TMTC4: variants seen among roughly 807,000 people sequenced by gnomAD.
The protein encoded by TMTC4 is transmembrane O-mannosyltransferase targeting cadherins 4.
In TMTC4, 65 loss-of-function variants were observed where a neutral mutation model predicts 86.0. The observed-to-expected ratio is 0.76, with a 90% CI of 0.62 to 0.93. TMTC4 has a LOEUF of 0.93. TMTC4 is among the 40% of genes least tolerant of loss of function. The pLI, the probability that TMTC4 is intolerant of heterozygous loss-of-function variation, is 0.00. For missense variants in TMTC4, 866 were observed against 948.1 expected (o/e 0.91, Z 1.14); for synonymous variants, 379 against 382.5 (o/e 0.99, Z 0.11).
At chr13:100,658,467 A>G (rs1885376578) in intron 5 of TMTC4, among the ~76,000 whole-genome samples, 1 of 152,120 alleles carries the variant, frequency 6.6e-6, no homozygotes, top group Non-Finnish European at 1.5e-5. Flanking sequence ...TTTAGAGAAG[A>G]GAAAGCAATA....
In TMTC4 at chr13:100,606,300, AC is replaced by A. The variant is rs1222747443; in HGVS notation, c.2134+57del. 1.3e-5 allele frequency: 19 copies of A among 1,413,088 alleles called. No homozygotes were observed. In the African/African-American group the frequency reaches 2.7e-4, roughly 20 times the overall value. The allele number at this position is 1,413,088 out of a possible 1,614,324, so 87.5% of individuals were successfully genotyped here. A position where few individuals can be genotyped will look rare whatever the true frequency, so the allele number is the denominator to read the frequency against. On this transcript the variant is annotated intron_variant, in intron 18 of 18. Transcript: ENST00000342624. ...CCCAACATTAATTTTATAGACATGC[AC>A]CCACTTCATTAAAGTAACAAAATTT...
intron 1 of TMTC4, 173 bp downstream of exon 1, chr13:100,674,571 G>A: frequency 1.0e-6 from 1 of 982,326 alleles, no homozygotes; most frequent in Non-Finnish European, 1.2e-6. Context: ...CGTGACCCCG[G>A]CCCGGGCCGC....
chr13:100,664,487 G>A, intron 3 of TMTC4, 151 bp from the exon 4 acceptor site: 1 of 555,458 alleles, frequency 1.8e-6, no homozygotes, highest in South Asian at 2.4e-5. Flanking sequence ...AAATACACAT[G>A]GGCTCACCCC....
At chr13:100,607,104 TG>T (rs1177590737) in intron 17 of TMTC4, among the ~76,000 whole-genome samples, 1 of 152,226 alleles carries the variant, frequency 6.6e-6, no homozygotes, top group African/African-American at 2.4e-5. Context: ...GATGGCTGGC[TG>T]GTCCCTTCTA....
chr13:100,669,947 T>C (rs1350518354), intron 2 of TMTC4, among the ~76,000 whole-genome samples: 3 of 152,008 alleles, frequency 2.0e-5, no homozygotes, highest in African/African-American at 7.3e-5. Context: ...GTGCCTACCT[T>C]CTAGAGTTGT....
At position 100,613,368 on chromosome 13, in the gene TMTC4, C is replaced by T. The variant is rs144586642; in HGVS notation, c.1952-858G>A. ...CCTAACACCATCATTTCTTAAAAGA[C>T]GTTTGGATTTTTAAAGTGAAGGAGG... is the stretch of plus-strand genomic sequence containing the variant. On this transcript the variant is annotated intron_variant, in intron 16 of 18. Coordinates refer to ENST00000342624, the MANE Select transcript of TMTC4 (RefSeq NM_032813.5). Among the ~76,000 whole-genome samples, 6 of 152,220 alleles carry T rather than the reference C, an allele frequency of 3.9e-5. No individual in the cohort carries two copies. In the East Asian group the frequency reaches 7.7e-4, roughly 20 times the overall value.
At chr13:100,619,868 TC>T (rs1451723710) in intron 15 of TMTC4, among the ~76,000 whole-genome samples, 8 of 152,324 alleles carry the variant, frequency 5.3e-5, no homozygotes, top group African/African-American at 1.9e-4. Context: ...TTGGACAAAA[TC>T]CATGGCAACA....
At chr13:100,619,342 C>T (rs1879122874) in intron 15 of TMTC4, among the ~76,000 whole-genome samples, 1 of 146,044 alleles carries the variant, frequency 6.8e-6, no homozygotes, top group Non-Finnish European at 1.5e-5. Flanking sequence ...CACACACACA[C>T]ACACACACAC....
intron 10 of TMTC4, among the ~76,000 whole-genome samples, chr13:100,636,242 T>A (rs1295109498): frequency 6.6e-6 from 1 of 152,164 alleles, no homozygotes; most frequent in Non-Finnish European, 1.5e-5. Context: ...GACCGTAAAT[T>A]ACTCTTTACC....
chr13:100,660,657 ATTT>A (rs35020533), intron 5 of TMTC4, among the ~76,000 whole-genome samples: 1 of 139,996 alleles, frequency 7.1e-6, no homozygotes, highest in Admixed American at 7.1e-5. Context: ...TTAAAGCTGG[ATTT>A]TTTTTTTTTT....
chr13:100,609,007 C>G (rs1877111709), intron 17 of TMTC4, among the ~76,000 whole-genome samples: 1 of 152,154 alleles, frequency 6.6e-6, no homozygotes, highest in Admixed American at 6.5e-5. Context: ...CAAGAGTGCT[C>G]TGGGGCACAG....
chr13:100,652,515 A>G (rs1235523616), intron 6 of TMTC4, among the ~76,000 whole-genome samples: 2 of 152,200 alleles, frequency 1.3e-5, no homozygotes. Flanking sequence ...ACTGTTTAAG[A>G]TATCTCAAAC....
At position 100,605,010 on chromosome 13, in the gene TMTC4, T is replaced by C; in HGVS notation, c.2267A>G (p.Gln756Arg). ...GLLRRKLELM[Q>R]KKAV is the part of the protein sequence containing the mutation. ...GAAACAGGATCAGACAGCTTTCTTT[T>C]GCATTAGTTCTAGCTTTCTTCTCAG... The change falls in exon 19 of 19, where the codon CAA (glutamine) becomes CGA (arginine). Residue 756 changes from glutamine to arginine, a missense_variant. Transcript: ENST00000342624. This position sits in a 1 kb window ranked among gnomAD's most constrained non-coding sequence, Gnocchi z 4.3. 1 of 1,613,654 alleles carries C rather than the reference T, an allele frequency of 6.2e-7. No individual in the cohort carries two copies. Among genetic ancestry groups the C allele is most frequent in the African/African-American group, 1.3e-5 (1 of 75,034 alleles).
intron 4 of TMTC4, 44 bp from the exon 5 acceptor site, chr13:100,663,224 C>T (rs370785840): frequency 3.2e-5 from 51 of 1,581,216 alleles, no homozygotes; most frequent in South Asian, 4.4e-5. Flanking sequence ...CAGCGGCATG[C>T]GGCAAGAAAT....
chr13:100,636,419 C>T lies in TMTC4; in HGVS notation c.1202+113G>A, dbSNP rs974176577. The T allele has an allele frequency of 5.4e-6, 7 of 1,286,494 alleles. No homozygotes were observed. The Admixed American group carries it at 6.3e-5, about 12-fold the overall frequency. 79.7% of individuals were successfully genotyped at this position (1,286,494 alleles called of 1,614,324 possible). A position where few individuals can be genotyped will look rare whatever the true frequency, so the allele number is the denominator to read the frequency against. On this transcript the variant is annotated intron_variant, in intron 10 of 18. Coordinates refer to ENST00000342624, the MANE Select transcript of TMTC4 (RefSeq NM_032813.5). The stretch of plus-strand genomic sequence containing the variant: ...CCTAGCCATAAATATGCATTTGAAA[C>T]AAATGTCCTTAGACGTGACTTCCAC...
intron 15 of TMTC4, among the ~76,000 whole-genome samples, chr13:100,616,926 T>C (rs372606076): frequency 3.3e-5 from 5 of 152,334 alleles, no homozygotes; most frequent in South Asian, 2.1e-4. Context: ...GTTGGATGCA[T>C]AGTTTATGAA....
At chr13:100,629,224 A>G (rs549189762) in intron 12 of TMTC4, among the ~76,000 whole-genome samples, 2 of 152,314 alleles carry the variant, frequency 1.3e-5, no homozygotes, top group East Asian at 1.9e-4. Flanking sequence ...GGGACTTTAC[A>G]ATACAAAGTG....
chr13:100,674,469 A>G (rs1887572397), intron 1 of TMTC4: 7 of 910,196 alleles, frequency 7.7e-6, no homozygotes, highest in Non-Finnish European at 7.8e-6. Flanking sequence ...CGGGCGGAGA[A>G]GCTCAGGGGC....
intron 12 of TMTC4, among the ~76,000 whole-genome samples, chr13:100,630,027 A>ATGTGTGTGTG (rs71121125): frequency 1.9e-3 from 86 of 46,098 alleles, no homozygotes; most frequent in Non-Finnish European, 4.0e-3. Flanking sequence ...ATCTGTGTGT[A>ATGTGTGTGTG]TGTGTGTGTG....
Sources: gnomAD v4.1 joint callset for allele counts (sites outside exome capture counted in the v4.1 genomes callset) on GRCh38, gnomAD v4.1.1 for gene constraint, Gnocchi (gnomAD v3.1) non-coding constraint, MANE v1.5 for transcripts, NCBI Gene and HGNC (gene_info 2026-07-23, HGNC 2026-07-21) for gene names.